The following SLC35D4 variants were observed in gnomAD, a reference collection of about 807,000 sequenced individuals.
The protein encoded by SLC35D4 is solute carrier family 35 member D4.
At chr18:23,299,131 C>G in the SLC35D4 span, among the ~76,000 whole-genome samples, 1 of 152,196 alleles carries the variant, frequency 6.6e-6, no homozygotes, top group Non-Finnish European at 1.5e-5. Flanking sequence ...CAGGCCAATT[C>G]AAGCTCTGGC....
the SLC35D4 span, among the ~76,000 whole-genome samples, chr18:23,329,251 C>T: frequency 7.2e-5 from 11 of 152,228 alleles, no homozygotes; most frequent in Admixed American, 6.5e-4. Flanking sequence ...AAAGAAAATA[C>T]CATCAGAGTG....
chr18:23,395,005 G>T, the SLC35D4 span, among the ~76,000 whole-genome samples: 1,117 of 112,032 alleles, frequency 1.0e-2, 17 homozygotes, highest in African/African-American at 0.032. Context: ...AAAAAAAAAA[G>T]CCATTTTATA....
the SLC35D4 span, among the ~76,000 whole-genome samples, chr18:23,432,553 C>T: frequency 1.8e-4 from 28 of 151,730 alleles, no homozygotes; most frequent in Admixed American, 4.6e-4. Flanking sequence ...TGGTGGTATG[C>T]GCCTGTAACC....
At chr18:23,373,908 T>C in the SLC35D4 span, 1 of 717,018 alleles carries the variant, frequency 1.4e-6, no homozygotes, top group African/African-American at 1.8e-5. Context: ...CCTTCCTCTG[T>C]GAACCTGACT....
the SLC35D4 span, chr18:23,257,604 A>G: frequency 1.6e-4 from 69 of 440,910 alleles, no homozygotes; most frequent in South Asian, 3.0e-3. Context: ...CTGAGAACAG[A>G]GAGGCCCTGC....
chr18:23,308,618 G>T, the SLC35D4 span, among the ~76,000 whole-genome samples: 3 of 151,858 alleles, frequency 2.0e-5, no homozygotes, highest in African/African-American at 7.3e-5. Flanking sequence ...CTAGATCATG[G>T]CAAGAGCCCC....
the SLC35D4 span, among the ~76,000 whole-genome samples, chr18:23,364,956 T>C: frequency 7.5e-6 from 1 of 134,004 alleles, no homozygotes. Context: ...TCTGGAATTA[T>C]GAGAATTGGA....
At chr18:23,399,960 T>C in the SLC35D4 span, among the ~76,000 whole-genome samples, 39 of 152,236 alleles carry the variant, frequency 2.6e-4, no homozygotes, top group African/African-American at 9.4e-4. Flanking sequence ...ACATTATTCT[T>C]TGGATTTTAA....
At chr18:23,392,269 A>C in the SLC35D4 span, among the ~76,000 whole-genome samples, 2 of 152,130 alleles carry the variant, frequency 1.3e-5, no homozygotes, top group Admixed American at 6.6e-5. Context: ...AATTCTCTTC[A>C]TAAGAGTGTT....
chr18:23,433,324 G>A, the SLC35D4 span, among the ~76,000 whole-genome samples: 2 of 152,132 alleles, frequency 1.3e-5, no homozygotes, highest in Non-Finnish European at 1.5e-5. Context: ...GCCTGGCCTT[G>A]TATCTCTTTT....
the SLC35D4 span, chr18:23,257,437 A>AAATG: frequency 8.8e-6 from 13 of 1,479,100 alleles, no homozygotes; most frequent in Non-Finnish European, 1.2e-5. Flanking sequence ...TTACTACTGG[A>AAATG]AATGAAAAAA....
At chr18:23,262,701 G>A in the SLC35D4 span, among the ~76,000 whole-genome samples, 1 of 152,226 alleles carries the variant, frequency 6.6e-6, no homozygotes, top group Admixed American at 6.5e-5. Context: ...TTCCCCAGGT[G>A]GGCCCAGGGT....
At chr18:23,275,173 G>A in the SLC35D4 span, among the ~76,000 whole-genome samples, 1 of 151,800 alleles carries the variant, frequency 6.6e-6, no homozygotes, top group Non-Finnish European at 1.5e-5. Flanking sequence ...GTGCAGGGAG[G>A]GGCAGCAGAG....
chr18:23,295,783 G>A, the SLC35D4 span, among the ~76,000 whole-genome samples: 12 of 152,168 alleles, frequency 7.9e-5, no homozygotes, highest in East Asian at 3.8e-4. Flanking sequence ...TGGACAAGGC[G>A]TATTTCCCGG....
chr18:23,245,317 A>G, the SLC35D4 span, among the ~76,000 whole-genome samples: 1 of 152,044 alleles, frequency 6.6e-6, no homozygotes, highest in African/African-American at 2.4e-5. Context: ...AGACCAGCCT[A>G]GCCAACATGG....
At chr18:23,370,345 A>G in the SLC35D4 span, 1 of 1,422,764 alleles carries the variant, frequency 7.0e-7, no homozygotes, top group South Asian at 1.2e-5. Context: ...CAAAATCCAC[A>G]TGGATAAAGG....
At chr18:23,298,152 C>T in the SLC35D4 span, 18 of 1,499,328 alleles carry the variant, frequency 1.2e-5, no homozygotes, top group Admixed American at 1.7e-4. Context: ...GCAAGGGGTG[C>T]TTCCCCTCAT....
the SLC35D4 span, among the ~76,000 whole-genome samples, chr18:23,295,737 C>T: frequency 1.3e-5 from 2 of 152,248 alleles, no homozygotes; most frequent in East Asian, 3.9e-4. Flanking sequence ...CAACAGCCAC[C>T]GACTGAGTTG....
chr18:23,278,202 C>T, the SLC35D4 span, among the ~76,000 whole-genome samples: 2 of 152,198 alleles, frequency 1.3e-5, no homozygotes, highest in East Asian at 1.9e-4. Flanking sequence ...GCCCCACATA[C>T]TCCCGCAACC....
Sources: allele counts gnomAD v4.1 joint callset (sites outside exome capture counted in the v4.1 genomes callset), GRCh38; gene constraint gnomAD v4.1.1; transcripts MANE v1.5; gene names NCBI Gene and HGNC (gene_info 2026-07-23, HGNC 2026-07-21).